Variants in VWF observed in about 807,000 individuals in gnomAD.
VWF encodes the protein von Willebrand factor.
A neutral mutation model predicts 308.6 loss-of-function variants in VWF; 176 were observed. The ratio of observed to expected loss-of-function variants is 0.57; its 90% confidence interval spans 0.50 to 0.65. The LOEUF (loss-of-function observed/expected upper bound fraction) is 0.65. Among genes scored for constraint, VWF ranks in the 30% least tolerant of loss-of-function variants. The pLI is 0.00. For missense variants in VWF, 3,146 were observed against 3,648.2 expected, an observed-to-expected ratio of 0.86 and a Z score of 3.55; for synonymous variants, 1,385 against 1,443.4, an observed-to-expected ratio of 0.96 and a Z score of 0.92.
At chr12:5,975,734 G>A (rs920751133) in intron 43 of VWF, among the ~76,000 whole-genome samples, 5 of 152,202 alleles carry the variant, frequency 3.3e-5, no homozygotes, top group Admixed American at 1.3e-4. Context: ...CCATGTCTCT[G>A]CTCAAACCTA....
intron 6 of VWF, among the ~76,000 whole-genome samples, chr12:6,082,280 T>C (rs1317216087): frequency 6.6e-6 from 1 of 152,240 alleles, no homozygotes; most frequent in African/African-American, 2.4e-5. Context: ...ATATGTTCTT[T>C]ACATTAAATA....
intron 3 of VWF, among the ~76,000 whole-genome samples, chr12:6,117,764 G>A (rs808842): frequency 1.3e-5 from 2 of 152,122 alleles, no homozygotes; most frequent in African/African-American, 2.4e-5. Context: ...GCAGTGAGCC[G>A]AGATCGCACC....
chr12:6,021,812 G>A, intron 27 of VWF, 88 bp downstream of exon 27: 8 of 1,531,234 alleles, frequency 5.2e-6, no homozygotes, highest in Non-Finnish European at 7.2e-6. Flanking sequence ...ATGTGGCTAG[G>A]ACTTTTTACC....
chr12:6,110,687 G>A (rs1591924498), intron 4 of VWF, 105 bp from the exon 5 acceptor site: 2 of 1,396,638 alleles, frequency 1.4e-6, no homozygotes, highest in South Asian at 1.2e-5. Flanking sequence ...AGAACATGGT[G>A]CAAAGTGGCT....
intron 42 of VWF, among the ~76,000 whole-genome samples, chr12:5,980,212 TAGGGAGGG>T (rs1226435022): frequency 5.0e-4 from 19 of 37,632 alleles, no homozygotes; most frequent in East Asian, 1.5e-3. Context: ...CGTAGGTAGG[TAGGGAGGG>T]AGGGAGGGAG....
intron 34 of VWF, among the ~76,000 whole-genome samples, chr12:5,999,497 CA>C (rs755952020): frequency 2.2e-4 from 33 of 149,236 alleles, no homozygotes; most frequent in Non-Finnish European, 3.6e-4. Context: ...CACACACACA[CA>C]CACACCACTA....
rs1268159078 is a variant in VWF at position 5,991,982 on chromosome 12, C to CA, written c.6634dup (p.Cys2212LeufsTer2). 7 of 1,614,208 alleles carry CA rather than the reference C, an allele frequency of 4.3e-6. No individual in the cohort carries two copies. The highest frequency in any genetic ancestry group is 5.9e-6 in the Non-Finnish European group (7 of 1,180,032). ...ACAGTGCCGGGGACAGCCATGCTCA[C>CA]AGTGGTTGTAGACCAGAGATGGTGG... On this transcript the variant is annotated frameshift_variant, in exon 38 of 52. Transcript: ENST00000261405. LOFTEE classifies it high-confidence loss of function.
At chr12:6,108,022 G>A (rs918158057) in intron 5 of VWF, among the ~76,000 whole-genome samples, 11 of 151,932 alleles carry the variant, frequency 7.2e-5, no homozygotes, top group South Asian at 2.1e-4. Flanking sequence ...GGCCAGGCAC[G>A]GTGACTCACG....
chr12:6,090,524 G>A (rs534014588), intron 6 of VWF, among the ~76,000 whole-genome samples: 135 of 152,202 alleles, frequency 8.9e-4, no homozygotes, highest in African/African-American at 3.0e-3. Flanking sequence ...TGCTTCTGCC[G>A]GCTCCCATTC....
rs769666818 is a variant in VWF at position 6,057,967 on chromosome 12, G to T, written c.1611C>A (p.Thr537=). ...YNGNQGDDFL[T]PSGLAEPRVE... is the part of the protein sequence containing the mutation. ...CCCGGGGCTCCGCCAGCCCAGAGGGGGTAAGGAAGTCGTCGCCCTGGTTGC... is the reference window on the plus strand; with the variant it reads ...CCCGGGGCTCCGCCAGCCCAGAGGGTGTAAGGAAGTCGTCGCCCTGGTTGC... Residue 537 remains threonine (T), a synonymous_variant, in exon 14 of 52, where the codon ACC becomes ACA. Transcript: ENST00000261405. The T allele has an allele frequency of 2.5e-6, 4 of 1,613,726 alleles. No homozygotes were observed. The highest frequency in any genetic ancestry group is 3.4e-6 in the Non-Finnish European group (4 of 1,180,040).
chr12:6,035,916 T>G (rs1204223597), intron 19 of VWF, among the ~76,000 whole-genome samples: 2 of 152,262 alleles, frequency 1.3e-5, no homozygotes, highest in Non-Finnish European at 1.5e-5. Flanking sequence ...GATGGTTCAA[T>G]GTACACAAAA....
intron 47 of VWF, among the ~76,000 whole-genome samples, chr12:5,963,811 C>T (rs564231893): frequency 4.0e-4 from 61 of 152,138 alleles, no homozygotes; most frequent in African/African-American, 1.3e-3. Context: ...ATATCTGCAT[C>T]GGACAAAGAA....
Position 5,994,178 on chromosome 12 carries a change from A to C in VWF, c.6282T>G (p.Asn2094Lys), listed in dbSNP as rs1943780462. Residue 2094 changes from asparagine to lysine, a missense_variant, in exon 37 of 52, where the codon AAT becomes AAG. Coordinates refer to ENST00000261405, the MANE Select transcript of VWF (RefSeq NM_000552.5). Reference protein sequence around the residue: ...LCGICDENGANDFMLRDGTVT... With the variant: ...LCGICDENGAKDFMLRDGTVT... Reference sequence around the variant, plus strand: ...CTGTGCCATCCCTCAGCATGAAGTCATTGGCTCCGTTCTCATCACAGATCC... The same window carrying C: ...CTGTGCCATCCCTCAGCATGAAGTCCTTGGCTCCGTTCTCATCACAGATCC... The C allele has an allele frequency of 6.2e-7, 1 of 1,614,142 alleles. No homozygotes were observed. Among genetic ancestry groups the C allele is most frequent in the Admixed American group, 1.7e-5 (1 of 60,022 alleles).
chr12:6,086,220 C>A (rs1944970212), intron 6 of VWF, among the ~76,000 whole-genome samples: 1 of 152,190 alleles, frequency 6.6e-6, no homozygotes, highest in African/African-American at 2.4e-5. Context: ...CCCCTGGATT[C>A]TTGGACCTCA....
intron 18 of VWF, among the ~76,000 whole-genome samples, chr12:6,041,551 G>C (rs1040801954): frequency 2.6e-5 from 4 of 151,742 alleles, no homozygotes; most frequent in African/African-American, 4.8e-5. Context: ...TGGGTTCACG[G>C]CATTCTCCTG....
chr12:6,096,566 A>C (rs1389336818), intron 5 of VWF, among the ~76,000 whole-genome samples: 1 of 152,222 alleles, frequency 6.6e-6, no homozygotes, highest in Non-Finnish European at 1.5e-5. Flanking sequence ...ATTCTTATAC[A>C]GTGGATTACG....
chr12:6,080,543 G>A (rs1182175531), intron 6 of VWF, among the ~76,000 whole-genome samples: 3 of 152,184 alleles, frequency 2.0e-5, no homozygotes, highest in African/African-American at 7.2e-5. Context: ...AGGCTGCAGG[G>A]CAGGAGGGAG....
In VWF at chr12:6,007,570, A is replaced by C. The variant is rs374027165; in HGVS notation, c.5842+4047T>G. On this transcript the variant is annotated intron_variant, in intron 34 of 51. Transcript: ENST00000261405. The stretch of plus-strand genomic sequence containing the variant: ...TAGCAAAGCTTATGGGAAACAGCAA[A>C]AGCAATAAAAGGAAAGTTTACAGCA... Among the ~76,000 whole-genome samples the C allele has an allele frequency of 5.1e-4, 77 of 152,328 alleles. 1 individual carries two copies. Among genetic ancestry groups the C allele is most frequent in the Middle Eastern group, 6.8e-3 (2 of 294 alleles).
At position 6,058,205 on chromosome 12, in the gene VWF, G is replaced by T. The variant is rs12313683; in HGVS notation, c.1534-161C>A. 4.5e-4 allele frequency among the ~76,000 whole-genome samples: 69 copies of T among 152,300 alleles called. No individual in the cohort carries two copies. Among genetic ancestry groups the T allele is most frequent in the African/African-American group, 1.7e-3 (69 of 41,566 alleles). On this transcript the variant is annotated intron_variant, in intron 13 of 51. Coordinates refer to ENST00000261405, the MANE Select transcript of VWF (RefSeq NM_000552.5). The surrounding 1 kb of genome is among the most constrained non-coding windows in gnomAD (Gnocchi z 4.9). ...CTAAGCCCTAGGCTGCAAAAGGGGG[G>T]GCGGGGGAAAGTGAACTGCAGTGTA...
Sources: allele counts gnomAD v4.1 joint callset (sites outside exome capture counted in the v4.1 genomes callset), GRCh38; gene constraint gnomAD v4.1.1; non-coding constraint Gnocchi (gnomAD v3.1); transcripts MANE v1.5; gene names NCBI Gene and HGNC (gene_info 2026-07-23, HGNC 2026-07-21).